Variants in ADAMTS2 observed in about 807,000 individuals in gnomAD.
ADAMTS2 encodes the protein ADAM metallopeptidase with thrombospondin type 1 motif 2, also known as A disintegrin and metalloproteinase with thrombospondin motifs 2.
A neutral mutation model predicts 123.0 loss-of-function variants in ADAMTS2; 50 were observed. The observed-to-expected ratio is 0.41, with a 90% CI of 0.32 to 0.51. ADAMTS2 has a LOEUF of 0.51. ADAMTS2 is among the 20% of genes least tolerant of loss of function. The pLI, the probability that ADAMTS2 is intolerant of heterozygous loss-of-function variation, is 0.35. For synonymous variants in ADAMTS2, 678 were observed against 695.4 expected (o/e 0.98, Z 0.39); for missense variants, 1,494 against 1,705.2 (o/e 0.88, Z 2.18).
intron 3 of ADAMTS2, among the ~76,000 whole-genome samples, chr5:179,209,524 A>G (rs1213938197): frequency 6.9e-6 from 1 of 144,202 alleles, no homozygotes; most frequent in African/African-American, 2.9e-5. Flanking sequence ...ACACACATGC[A>G]CACACACACA....
At chr5:179,325,631 C>A (rs12518382) in intron 2 of ADAMTS2, among the ~76,000 whole-genome samples, 1 of 152,250 alleles carries the variant, frequency 6.6e-6, no homozygotes, top group Admixed American at 6.5e-5. Flanking sequence ...AGTGAGAACT[C>A]ACCACTGGGC....
chr5:179,344,258 T>G (rs1229154074), intron 1 of ADAMTS2, 97 bp from the exon 2 acceptor site: 2 of 1,449,496 alleles, frequency 1.4e-6, no homozygotes, highest in Admixed American at 4.1e-5. Context: ...CCCGCCCCAC[T>G]GCGAAGGGAA....
intron 3 of ADAMTS2, among the ~76,000 whole-genome samples, chr5:179,247,664 A>AATG (rs1425787677): frequency 6.6e-6 from 1 of 152,202 alleles, no homozygotes; most frequent in Non-Finnish European, 1.5e-5. Flanking sequence ...AAGGGCTCTC[A>AATG]ATGAGCTTAA....
chr5:179,321,368 C>T (rs1757168395), intron 2 of ADAMTS2, among the ~76,000 whole-genome samples: 1 of 152,312 alleles, frequency 6.6e-6, no homozygotes, highest in Non-Finnish European at 1.5e-5. Context: ...TCCCTCCACT[C>T]CCTTGCCTCT....
At chr5:179,255,950 C>T (rs1213064793) in intron 3 of ADAMTS2, among the ~76,000 whole-genome samples, 1 of 152,164 alleles carries the variant, frequency 6.6e-6, no homozygotes, top group Non-Finnish European at 1.5e-5. Flanking sequence ...ACTGGCTGCT[C>T]CCCACTGGCT....
In ADAMTS2 at chr5:179,303,030, G is replaced by A. The variant is rs1484183672; in HGVS notation, c.535-29966C>T. Among the ~76,000 whole-genome samples, 3 of 151,148 alleles carry A rather than the reference G, an allele frequency of 2.0e-5. No individual in the cohort carries two copies. The highest frequency in any genetic ancestry group is 2.1e-4 in the South Asian group (1 of 4,758). On this transcript the variant is annotated intron_variant, in intron 2 of 21. Transcript: ENST00000251582. This position sits in a 1 kb window ranked among gnomAD's most constrained non-coding sequence, Gnocchi z 4.7. ...GGTACAGGAGGTCAGAGTGGTGGGC[G>A]GGGGCAGACTGCACAGAGCTTCCTC...
At chr5:179,205,832 T>C (rs1384308293) in intron 4 of ADAMTS2, among the ~76,000 whole-genome samples, 6 of 151,736 alleles carry the variant, frequency 4.0e-5, no homozygotes, top group Non-Finnish European at 5.9e-5. Flanking sequence ...AGTGCAGTGG[T>C]GCGATCTCAG....
rs41285549 is a variant in ADAMTS2 at position 179,154,123 on chromosome 5, C to G, written c.1308G>C (p.Ala436=). 31 of 1,594,482 alleles carry G rather than the reference C, an allele frequency of 1.9e-5. No homozygotes were observed. Among genetic ancestry groups the G allele is most frequent in the Non-Finnish European group, 2.6e-5 (30 of 1,175,634 alleles). Residue 436 remains alanine, a synonymous_variant, in exon 8 of 22, where the codon GCG becomes GCC. Coordinates refer to ENST00000251582, the MANE Select transcript of ADAMTS2 (RefSeq NM_014244.5). ...GGTGGAAGGCGGCCTGCACCAGGGG[C>G]GCCATGATGCTGCCCAGCCGCACCT... ...GDEVRLGSIM[A]PLVQAAFHRF... is the part of the protein sequence containing the mutation.
At chr5:179,153,378 G>T in intron 9 of ADAMTS2, 113 bp downstream of exon 9, 1 of 1,519,236 alleles carries the variant, frequency 6.6e-7, no homozygotes, top group Non-Finnish European at 8.9e-7. Flanking sequence ...CTGGAGGGCC[G>T]CTCTGCCCTC....
chr5:179,339,961 A>C (rs1757724032), intron 2 of ADAMTS2, among the ~76,000 whole-genome samples: 1 of 152,210 alleles, frequency 6.6e-6, no homozygotes, highest in Non-Finnish European at 1.5e-5. Context: ...ATGACTCTTA[A>C]TGTCCAGCAA....
chr5:179,344,113 C>A lies in ADAMTS2; in HGVS notation c.188G>T (p.Arg63Leu), dbSNP rs1757865767. 1.2e-6 allele frequency: 2 copies of A among 1,607,904 alleles called. No homozygotes were observed. The highest frequency in any genetic ancestry group is 8.5e-7 in the Non-Finnish European group (1 of 1,177,368). Residue 63 changes from arginine to leucine, a missense_variant, in exon 2 of 22, where the codon CGC becomes CTC. Physicochemically the swap from Arg to Leu is moderately radical, Grantham distance 102. This residue lies in a region of ADAMTS2 where 237 missense variants were observed against 233.7 expected (regional missense o/e 1.01). Transcript: ENST00000251582. ...CACCAAGCGGCCCTGGGCGTCAGTG[C>A]GCACGGGCACCGCCAGGATGCGCTC... is the stretch of plus-strand genomic sequence containing the variant. ...GAERILAVPV[R>L]TDAQGRLVSH...
chr5:179,126,029 C>G lies in ADAMTS2; in HGVS notation c.2719G>C (p.Ala907Pro). Reference protein sequence around the residue: ...ALSKPKAIRRACNPQECSQPV... With the variant: ...ALSKPKAIRRPCNPQECSQPV... ...TGGGAGCATTCCTGTGGGTTGCACGCTCTGCGGATGGCTTTGGGCTTCGAG... is the reference window on the plus strand; with the variant it reads ...TGGGAGCATTCCTGTGGGTTGCACGGTCTGCGGATGGCTTTGGGCTTCGAG... The change falls in exon 18 of 22, where the codon GCG becomes CCG. Residue 907 changes from alanine (A) to proline (P), a missense_variant. By Grantham distance (27) the Ala-to-Pro change is conservative. Coordinates refer to ENST00000251582, the MANE Select transcript of ADAMTS2 (RefSeq NM_014244.5). 6.2e-7 allele frequency: 1 copy of G among 1,613,470 alleles called. No individual in the cohort carries two copies. The highest frequency in any genetic ancestry group is 8.5e-7 in the Non-Finnish European group (1 of 1,180,034).
At chr5:179,232,997 G>C (rs185366448) in intron 3 of ADAMTS2, among the ~76,000 whole-genome samples, 54 of 152,332 alleles carry the variant, frequency 3.5e-4, no homozygotes, top group African/African-American at 1.3e-3. Context: ...ATGAGCATCT[G>C]TGTCGGGAGG....
Position 179,345,192 on chromosome 5 carries a change from G to C in ADAMTS2, c.137C>G (p.Pro46Arg), listed in dbSNP as rs1757905071. Residue 46 changes from proline to arginine, a missense_variant and splice_region_variant, in exon 1 of 22, where the codon CCA becomes CGA. Coordinates refer to ENST00000251582, the MANE Select transcript of ADAMTS2 (RefSeq NM_014244.5). The surrounding 1 kb of genome is among the most constrained non-coding windows in gnomAD (Gnocchi z 7.5). The part of the protein sequence containing the change: ...NARLAAAADP[P>R]GGPLGHGAER... ...AGTAGGGGCCGGGCCGCACCTACCT[G>C]GGGGGTCGGCGGCGGCGGCGAGCCT... 4.5e-6 allele frequency: 5 copies of C among 1,110,860 alleles called. No homozygotes were observed. Among genetic ancestry groups the C allele is most frequent in the Non-Finnish European group, 5.5e-6 (5 of 915,928 alleles). 68.8% of individuals were successfully genotyped at this position (1,110,860 alleles called of 1,614,324 possible). A position where few individuals can be genotyped will look rare whatever the true frequency, so the allele number is the denominator to read the frequency against.
intron 21 of ADAMTS2, 44 bp downstream of exon 21, chr5:179,121,617 C>T: frequency 6.6e-7 from 1 of 1,510,640 alleles, no homozygotes; most frequent in South Asian, 1.2e-5. Context: ...GGGCGCAGGG[C>T]ATGCACTGGA....
intron 2 of ADAMTS2, among the ~76,000 whole-genome samples, chr5:179,273,432 C>T (rs1160595298): frequency 6.6e-6 from 1 of 152,178 alleles, no homozygotes; most frequent in African/African-American, 2.4e-5. Context: ...CACCAAAGTG[C>T]ATCAATATGG....
At chr5:179,245,919 A>G (rs990799625) in intron 3 of ADAMTS2, among the ~76,000 whole-genome samples, 7 of 152,142 alleles carry the variant, frequency 4.6e-5, no homozygotes, top group African/African-American at 1.7e-4. Context: ...AAGGGAGAGG[A>G]CATCACCAAA....
chr5:179,208,600 C>A (rs1278305989), intron 3 of ADAMTS2, among the ~76,000 whole-genome samples: 1 of 152,142 alleles, frequency 6.6e-6, no homozygotes, highest in Non-Finnish European at 1.5e-5. Context: ...TGTTCTGTGT[C>A]CTGCGGGCCT....
chr5:179,233,906 A>G (rs753066630), intron 3 of ADAMTS2, among the ~76,000 whole-genome samples: 71 of 152,182 alleles, frequency 4.7e-4, no homozygotes, highest in Non-Finnish European at 8.8e-4. Context: ...CCCTGCATGC[A>G]CACAGCCCTC....
Sources: gnomAD v4.1 joint callset for allele counts (sites outside exome capture counted in the v4.1 genomes callset) on GRCh38, gnomAD v4.1.1 for gene constraint, gnomAD v4.1.1 regional missense constraint, Gnocchi (gnomAD v3.1) non-coding constraint, MANE v1.5 for transcripts, NCBI Gene and HGNC (gene_info 2026-07-23, HGNC 2026-07-21) for gene names.